VTI1A: variants seen among roughly 807,000 people sequenced by gnomAD.
The protein encoded by VTI1A is vesicle transport through interaction with t-SNAREs 1A, also known as vesicle transport through interaction with t-SNAREs homolog 1A.
In VTI1A, 22 loss-of-function variants were observed where a neutral mutation model predicts 34.9. That is an observed-to-expected ratio of 0.63 (90% CI 0.45 to 0.90). VTI1A has a LOEUF of 0.90. VTI1A is among the 40% of genes least tolerant of loss of function. The pLI is 0.00. For missense variants in VTI1A, 268 were observed against 275.6 expected (o/e 0.97, Z 0.20); for synonymous variants, 87 against 97.3 (o/e 0.89, Z 0.62).
intron 7 of VTI1A, among the ~76,000 whole-genome samples, chr10:112,739,167 G>T (rs1266267991): frequency 4.6e-5 from 7 of 152,142 alleles, no homozygotes; most frequent in Admixed American, 4.6e-4. Context: ...TGTCCCCAGT[G>T]CTGTTTTCTC....
the VTI1A span, among the ~76,000 whole-genome samples, chr10:112,854,768 A>T: frequency 6.6e-6 from 1 of 152,166 alleles, no homozygotes; most frequent in Non-Finnish European, 1.5e-5. Context: ...AGGGAGAGCA[A>T]TCGGGAAGCG....
intron 7 of VTI1A, among the ~76,000 whole-genome samples, chr10:112,678,973 A>G (rs895139176): frequency 1.7e-5 from 2 of 116,252 alleles, no homozygotes; most frequent in Admixed American, 8.1e-5. Context: ...GCTTGTTTTC[A>G]TTTTTGTTTT....
At chr10:112,724,567 TC>T (rs1453604610) in intron 7 of VTI1A, among the ~76,000 whole-genome samples, 1 of 151,980 alleles carries the variant, frequency 6.6e-6, no homozygotes, top group Non-Finnish European at 1.5e-5. Flanking sequence ...AATTGCTCTT[TC>T]CCCGTGAATT....
At chr10:112,526,117 G>A (rs1179195601) in intron 3 of VTI1A, among the ~76,000 whole-genome samples, 3 of 152,148 alleles carry the variant, frequency 2.0e-5, no homozygotes, top group Non-Finnish European at 2.9e-5. Context: ...TTGCAAATCT[G>A]AATTTAGGTC....
intron 7 of VTI1A, among the ~76,000 whole-genome samples, chr10:112,690,395 G>A (rs1188395953): frequency 2.0e-5 from 3 of 152,120 alleles, no homozygotes; most frequent in Non-Finnish European, 4.4e-5. Flanking sequence ...TGAGAGTTCC[G>A]GTTGCTCTCC....
intron 7 of VTI1A, among the ~76,000 whole-genome samples, chr10:112,712,082 A>C (rs1849436983): frequency 6.6e-6 from 1 of 152,136 alleles, no homozygotes; most frequent in Non-Finnish European, 1.5e-5. Context: ...CCCAATTAGT[A>C]AGAGAACCTA....
chr10:112,831,984 G>A, the VTI1A span: 9 of 152,290 alleles, frequency 5.9e-5, no homozygotes, highest in South Asian at 4.1e-4. Context: ...CGCTCTTGCC[G>A]GCCGACACCA....
At chr10:112,732,811 C>G (rs748277480) in intron 7 of VTI1A, among the ~76,000 whole-genome samples, 24 of 152,182 alleles carry the variant, frequency 1.6e-4, no homozygotes, top group African/African-American at 2.7e-4. Flanking sequence ...GTTTCCTGAC[C>G]CACATGCTTC....
At chr10:112,694,260 C>G (rs1282604794) in intron 7 of VTI1A, among the ~76,000 whole-genome samples, 1 of 152,026 alleles carries the variant, frequency 6.6e-6, no homozygotes, top group African/African-American at 2.4e-5. Context: ...CCATCTCCCT[C>G]TCCACCCCAG....
intron 5 of VTI1A, among the ~76,000 whole-genome samples, chr10:112,560,420 A>G (rs1803208170): frequency 6.6e-6 from 1 of 152,072 alleles, no homozygotes; most frequent in African/African-American, 2.4e-5. Flanking sequence ...CACTCTTTCT[A>G]AAGCAGGCTT....
At chr10:112,561,785 A>G (rs1851732321) in intron 5 of VTI1A, among the ~76,000 whole-genome samples, 1 of 152,166 alleles carries the variant, frequency 6.6e-6, no homozygotes, top group Non-Finnish European at 1.5e-5. Flanking sequence ...AAAGTCTTTA[A>G]AGAGACTTTA....
intron 5 of VTI1A, among the ~76,000 whole-genome samples, chr10:112,575,855 A>G (rs575534097): frequency 2.6e-5 from 4 of 152,252 alleles, no homozygotes; most frequent in African/African-American, 7.2e-5. Flanking sequence ...TGTTAAATTA[A>G]TACTATTCCA....
At chr10:112,663,635 GA>G (rs1170950287) in intron 5 of VTI1A, among the ~76,000 whole-genome samples, 1 of 152,140 alleles carries the variant, frequency 6.6e-6, no homozygotes, top group East Asian at 1.9e-4. Flanking sequence ...CAATACAGAG[GA>G]TAACCTAGCT....
chr10:112,736,135 A>ATATATT (rs1850459464), intron 7 of VTI1A, among the ~76,000 whole-genome samples: 1 of 145,874 alleles, frequency 6.9e-6, no homozygotes, highest in South Asian at 2.1e-4. Flanking sequence ...ATATATATAT[A>ATATATT]TATGTAAATG....
intron 5 of VTI1A, among the ~76,000 whole-genome samples, chr10:112,564,011 T>G (rs900292241): frequency 6.6e-6 from 1 of 152,178 alleles, no homozygotes; most frequent in South Asian, 2.1e-4. Flanking sequence ...AAAGTTTATT[T>G]TAAAAACCTA....
At chr10:112,740,891 T>C (rs981518504) in intron 7 of VTI1A, among the ~76,000 whole-genome samples, 6 of 152,232 alleles carry the variant, frequency 3.9e-5, no homozygotes, top group African/African-American at 1.4e-4. Context: ...TATAACAGCA[T>C]TATTTATAAT....
chr10:112,570,909 T>C (rs1852093278), intron 5 of VTI1A, among the ~76,000 whole-genome samples: 1 of 152,240 alleles, frequency 6.6e-6, no homozygotes, highest in African/African-American at 2.4e-5. Flanking sequence ...CCTGGCACCA[T>C]GTTAAAGAGT....
chr10:112,452,352 G>A (rs1364151393), intron 1 of VTI1A, among the ~76,000 whole-genome samples: 2 of 152,080 alleles, frequency 1.3e-5, no homozygotes, highest in African/African-American at 4.8e-5. Context: ...GGCAGATCAC[G>A]AGCTCAGGAA....
chr10:112,594,958 CAG>C (rs1372593880), intron 5 of VTI1A, among the ~76,000 whole-genome samples: 1 of 147,868 alleles, frequency 6.8e-6, no homozygotes, highest in African/African-American at 2.6e-5. Flanking sequence ...GGTACCAAAA[CAG>C]AGATATAGAT....
Sources: gnomAD v4.1 joint callset for allele counts (sites outside exome capture counted in the v4.1 genomes callset) on GRCh38, gnomAD v4.1.1 for gene constraint, MANE v1.5 for transcripts, NCBI Gene and HGNC (gene_info 2026-07-23, HGNC 2026-07-21) for gene names.